The following KLHL9 variants were observed in gnomAD, a reference collection of about 807,000 sequenced individuals.
The protein encoded by KLHL9 is kelch-like protein 9.
In KLHL9, 27 loss-of-function variants were observed where a neutral mutation model predicts 42.3. That is an observed-to-expected ratio of 0.64 (90% CI 0.47 to 0.88). The LOEUF is 0.88. KLHL9 is among the 40% of genes least tolerant of loss of function. The probability of loss-of-function intolerance (pLI) is 0.00; values close to 1 mark genes in which losing one functional copy is unlikely to be tolerated. For synonymous variants in KLHL9, 274 were observed against 254.4 expected (o/e 1.08, Z -0.73); for missense variants, 629 against 750.3 (o/e 0.84, Z 1.89).
rs919803406 is a variant in KLHL9, at chr9:21,329,775, TATATA to T, written c.*3226_*3230del. ...CTGCACATATGTACGTATATATATA[TATATA>T]ATATACTATTAATAGAAATTATCTT... On this transcript the variant is annotated 3_prime_UTR_variant, in exon 1 of 1. Coordinates refer to ENST00000359039, the MANE Select transcript of KLHL9 (RefSeq NM_018847.4). The T allele has an allele frequency of 2.7e-5, 4 of 150,284 alleles. No homozygotes were observed. Among genetic ancestry groups the T allele is most frequent in the Admixed American group, 2.7e-4 (4 of 15,042 alleles). The allele number at this position is 150,284 out of a possible 1,614,324, so 9.3% of individuals were successfully genotyped here. A position where few individuals can be genotyped will look rare whatever the true frequency, so the allele number is the denominator to read the frequency against.
chr9:21,331,298 T>C lies in KLHL9; in HGVS notation c.*1708A>G, dbSNP rs760577853. ...AAAAAACTGAGTAATTAAAAAAACA[T>C]AGAAAGTATGAAAATTTCTGCCAAT... On this transcript the variant is annotated 3_prime_UTR_variant, in exon 1 of 1. Transcript: ENST00000359039. 9 of 152,640 alleles carry C rather than the reference T, an allele frequency of 5.9e-5. No individual in the cohort carries two copies. The East Asian group carries it at 7.7e-4, about 13-fold the overall frequency. The allele number at this position is 152,640 out of a possible 1,614,324, so 9.5% of individuals were successfully genotyped here.
rs765080867 is a variant in KLHL9, at chr9:21,333,549, A to G, written c.1311T>C (p.Tyr437=). 6.2e-7 allele frequency: 1 copy of G among 1,614,092 alleles called. No homozygotes were observed. Among genetic ancestry groups the G allele is most frequent in the African/African-American group, 1.3e-5 (1 of 74,934 alleles). The change falls in exon 1 of 1, where the codon TAT becomes TAC. Residue 437 remains tyrosine (Y), a synonymous_variant. Coordinates refer to ENST00000359039, the MANE Select transcript of KLHL9 (RefSeq NM_018847.4). This position sits in a 1 kb window ranked among gnomAD's most constrained non-coding sequence, Gnocchi z 7.5. The part of the protein sequence containing the change: ...SYVAKMSEPH[Y]GHAGTVYGGL... ...CTCCATATACTGTTCCAGCATGACC[A>G]TAGTGGGGTTCACTCATTTTTGCAA...
At position 21,334,189 on chromosome 9, in the gene KLHL9, C is replaced by A. The variant is rs777781687; in HGVS notation, c.671G>T (p.Arg224Met). 9 of 1,614,098 alleles carry A rather than the reference C, an allele frequency of 5.6e-6. No homozygotes were observed. In the South Asian group the frequency reaches 9.9e-5, roughly 18 times the overall value. ...ELFKAACRWL[R>M]LEDPRMDYAA... ...ATAATCCATCCGAGGGTCTTCCAAC[C>A]TTAGCCAGCGACAGGCTGCCTTAAA... is the stretch of plus-strand genomic sequence containing the variant. The change falls in exon 1 of 1, where the codon AGG becomes ATG. Residue 224 changes from arginine to methionine, a missense_variant. Coordinates refer to ENST00000359039, the MANE Select transcript of KLHL9 (RefSeq NM_018847.4). This position sits in a 1 kb window ranked among gnomAD's most constrained non-coding sequence, Gnocchi z 5.1.
Position 21,334,892 on chromosome 9 carries a change from C to T in KLHL9, c.-33G>A. The stretch of plus-strand genomic sequence containing the variant: ...CTTTCCTCTTGCACAGAGATGCAAG[C>T]CGGATAAAGAAGTTATAACCGGAAT... On this transcript the variant is annotated 5_prime_UTR_variant, in exon 1 of 1. Transcript: ENST00000359039. The surrounding 1 kb of genome is among the most constrained non-coding windows in gnomAD (Gnocchi z 5.1). 1.2e-6 allele frequency: 2 copies of T among 1,613,284 alleles called. No individual in the cohort carries two copies. The highest frequency in any genetic ancestry group is 8.5e-7 in the Non-Finnish European group (1 of 1,179,824).
At position 21,332,226 on chromosome 9, in the gene KLHL9, T is replaced by C. The variant is rs1170852921; in HGVS notation, c.*780A>G. ...TTTAGTATGCTGTAGCCCTTATCTA[T>C]CTAAATTCAGTATGACTACATAGAC... is the stretch of plus-strand genomic sequence containing the variant. On this transcript the variant is annotated 3_prime_UTR_variant, in exon 1 of 1. Transcript: ENST00000359039. 1 of 152,640 alleles carries C rather than the reference T, an allele frequency of 6.6e-6. No homozygotes were observed. The highest frequency in any genetic ancestry group is 1.5e-5 in the Non-Finnish European group (1 of 68,038). The allele number at this position is 152,640 out of a possible 1,614,324, so 9.5% of individuals were successfully genotyped here. A position where few individuals can be genotyped will look rare whatever the true frequency, so the allele number is the denominator to read the frequency against.
chr9:21,334,212 A>G lies in KLHL9; in HGVS notation c.648T>C (p.Phe216=), dbSNP rs775981697. The G allele has an allele frequency of 3.1e-6, 5 of 1,614,196 alleles. No homozygotes were observed. The highest frequency in any genetic ancestry group is 4.2e-6 in the Non-Finnish European group (5 of 1,180,020). The part of the protein sequence containing the change: ...SLKHCTELEL[F]KAACRWLRLE... Reference sequence around the variant, plus strand: ...ACCTTAGCCAGCGACAGGCTGCCTTAAAGAGTTCAAGTTCGGTACAGTGCT... The same window carrying G: ...ACCTTAGCCAGCGACAGGCTGCCTTGAAGAGTTCAAGTTCGGTACAGTGCT... Residue 216 remains phenylalanine, a synonymous_variant, in exon 1 of 1, where the codon TTT becomes TTC. Transcript: ENST00000359039. The surrounding 1 kb of genome is among the most constrained non-coding windows in gnomAD (Gnocchi z 5.1).
At position 21,334,820 on chromosome 9, in the gene KLHL9, C is replaced by T. The variant is rs918669061; in HGVS notation, c.40G>A (p.Ala14Thr). The T allele has an allele frequency of 1.2e-6, 2 of 1,613,932 alleles. No homozygotes were observed. Among genetic ancestry groups the T allele is most frequent in the Non-Finnish European group, 1.7e-6 (2 of 1,179,934 alleles). ...CCTGCCTTACAAGGCTGCAAATGGG[C>T]AGAGACGCCCATTTCGCCGTTACCA... ...SLGNGEMGVSAHLQPCKAGTT... is the reference protein window; with the variant it reads ...SLGNGEMGVSTHLQPCKAGTT... The change falls in exon 1 of 1, where the codon GCC (alanine) becomes ACC (threonine). Residue 14 changes from alanine (A) to threonine (T), a missense_variant. Physicochemically the swap from Ala to Thr is moderately conservative, Grantham distance 58. Transcript: ENST00000359039. The surrounding 1 kb of genome is among the most constrained non-coding windows in gnomAD (Gnocchi z 5.1).
At position 21,335,044 on chromosome 9, in the gene KLHL9, A is replaced by G; in HGVS notation, c.-185T>C. ...CCACTGAAAATCACCCTGTAGCAGG[A>G]CCACAAAGGGCTGTGGACCTCAAAT... On this transcript the variant is annotated 5_prime_UTR_variant, in exon 1 of 1. Coordinates refer to ENST00000359039, the MANE Select transcript of KLHL9 (RefSeq NM_018847.4). The G allele has an allele frequency of 4.1e-6, 3 of 724,066 alleles. No individual in the cohort carries two copies. Among genetic ancestry groups the G allele is most frequent in the South Asian group, 1.9e-5 (1 of 53,416 alleles). 44.9% of individuals were successfully genotyped at this position (724,066 alleles called of 1,614,324 possible). A position where few individuals can be genotyped will look rare whatever the true frequency, so the allele number is the denominator to read the frequency against.
chr9:21,333,322 A>T lies in KLHL9; in HGVS notation c.1538T>A (p.Leu513Gln), dbSNP rs750293915. ...FRGTSDYDDV[L>Q]SCEYYSPTLD... ...GGTTGGTGAATAGTATTCACAGCTT[A>T]GAACATCATCATAATCACTTGTTCC... Residue 513 changes from leucine to glutamine, a missense_variant, in exon 1 of 1, where the codon CTA (leucine) becomes CAA (glutamine). Coordinates refer to ENST00000359039, the MANE Select transcript of KLHL9 (RefSeq NM_018847.4). The surrounding 1 kb of genome is among the most constrained non-coding windows in gnomAD (Gnocchi z 7.5). 6.2e-7 allele frequency: 1 copy of T among 1,614,234 alleles called. No individual in the cohort carries two copies. The highest frequency in any genetic ancestry group is 1.3e-5 in the African/African-American group (1 of 75,060).
rs563969449 is a variant in KLHL9, at chr9:21,334,541, T to C, written c.319A>G (p.Ile107Val). The stretch of plus-strand genomic sequence containing the variant: ...AGTTTTGCAGTATAAATAAAATCAA[T>C]GATTTTCTTCAGACCAACCTTGTTC... ...GVNKVGLKKI[I>V]DFIYTAKLSL... is the part of the protein sequence containing the mutation. Residue 107 changes from isoleucine (I) to valine (V), a missense_variant, in exon 1 of 1, where the codon ATT (isoleucine) becomes GTT (valine). By Grantham distance (29) the Ile-to-Val change is conservative. Transcript: ENST00000359039. The surrounding 1 kb of genome is among the most constrained non-coding windows in gnomAD (Gnocchi z 5.1). The C allele has an allele frequency of 1.6e-5, 26 of 1,614,206 alleles. No individual in the cohort carries two copies. The highest frequency in any genetic ancestry group is 1.2e-4 in the South Asian group (11 of 91,080).
Position 21,334,009 on chromosome 9 carries a change from G to A in KLHL9, c.851C>T (p.Pro284Leu). 2 of 1,614,112 alleles carry A rather than the reference G, an allele frequency of 1.2e-6. No homozygotes were observed. Among genetic ancestry groups the A allele is most frequent in the Non-Finnish European group, 1.7e-6 (2 of 1,180,008 alleles). The change falls in exon 1 of 1, where the codon CCA becomes CTA. Residue 284 changes from proline to leucine, a missense_variant. Physicochemically the swap from Pro to Leu is moderately conservative, Grantham distance 98. Around this residue, in one of 4 missense-constraint regions of KLHL9, gnomAD observed 351 missense variants for 363.1 expected, o/e 0.97. Transcript: ENST00000359039. This position sits in a 1 kb window ranked among gnomAD's most constrained non-coding sequence, Gnocchi z 5.1. ...SNYQMMPYMQPVMQSDRTAIR... is the reference protein window; with the variant it reads ...SNYQMMPYMQLVMQSDRTAIR... The stretch of plus-strand genomic sequence containing the variant: ...GGCAGTTCTATCTGACTGCATCACT[G>A]GCTGCATATATGGCATCATTTGGTA...
chr9:21,332,384 A>G lies in KLHL9; in HGVS notation c.*622T>C, dbSNP rs1820187795. 6.6e-6 allele frequency: 1 copy of G among 152,668 alleles called. No individual in the cohort carries two copies. The highest frequency in any genetic ancestry group is 2.1e-4 in the South Asian group (1 of 4,832). The allele number at this position is 152,668 out of a possible 1,614,324, so 9.5% of individuals were successfully genotyped here. On this transcript the variant is annotated 3_prime_UTR_variant, in exon 1 of 1. Transcript: ENST00000359039. ...TTTCAAATTATGTGTGTGTATACAT[A>G]TGTATGTATGTGTGCATGCATGTAT...
At position 21,329,885 on chromosome 9, in the gene KLHL9, A is replaced by T. The variant is rs147287298; in HGVS notation, c.*3121T>A. 28 of 152,194 alleles carry T rather than the reference A, an allele frequency of 1.8e-4. No homozygotes were observed. In the East Asian group the frequency reaches 5.2e-3, roughly 28 times the overall value. 9.4% of individuals were successfully genotyped at this position (152,194 alleles called of 1,614,324 possible). On this transcript the variant is annotated 3_prime_UTR_variant, in exon 1 of 1. Transcript: ENST00000359039. ...TAATAGACATATCAAAAAAGCTAAC[A>T]AATGTTAATTTTTGAATACTTTCCG...
rs188385691 is a variant in KLHL9 at position 21,332,412 on chromosome 9, T to G, written c.*594A>C. On this transcript the variant is annotated 3_prime_UTR_variant, in exon 1 of 1. Coordinates refer to ENST00000359039, the MANE Select transcript of KLHL9 (RefSeq NM_018847.4). ...TATGTATGTGTGCATGCATGTATGT[T>G]TGTATTATGTGTATTTTTTCCTCCT... is the stretch of plus-strand genomic sequence containing the variant. 40 of 154,614 alleles carry G rather than the reference T, an allele frequency of 2.6e-4. No individual in the cohort carries two copies. The highest frequency in any genetic ancestry group is 9.4e-4 in the African/African-American group (39 of 41,582). The allele number at this position is 154,614 out of a possible 1,614,324, so 9.6% of individuals were successfully genotyped here.
In KLHL9 at chr9:21,333,831, A is replaced by T; in HGVS notation, c.1029T>A (p.Ala343=). 4 of 1,614,036 alleles carry T rather than the reference A, an allele frequency of 2.5e-6. No individual in the cohort carries two copies. The highest frequency in any genetic ancestry group is 3.4e-6 in the Non-Finnish European group (4 of 1,180,032). The change falls in exon 1 of 1, where the codon GCT becomes GCA. Residue 343 remains alanine, a synonymous_variant. Coordinates refer to ENST00000359039, the MANE Select transcript of KLHL9 (RefSeq NM_018847.4). This position sits in a 1 kb window ranked among gnomAD's most constrained non-coding sequence, Gnocchi z 7.5. ...MDAPRYQHGI[A]VIGNFLYVVG... is the part of the protein sequence containing the mutation. ...CTACATAAAGAAAGTTTCCAATGAC[A>T]GCAATACCATGCTGGTAACGGGGAG...
In KLHL9 at chr9:21,334,452, G is replaced by A. The variant is rs751307007; in HGVS notation, c.408C>T (p.Pro136=). The stretch of plus-strand genomic sequence containing the variant: ...GAAATACTTTACAGAAATCCAAAAC[G>A]GGTAATATTTGTAAAAAGCTAGCAG... The part of the protein sequence containing the change: ...LEAASFLQIL[P]VLDFCKVFLI... The change falls in exon 1 of 1, where the codon CCC becomes CCT. Residue 136 remains proline (P), a synonymous_variant. Coordinates refer to ENST00000359039, the MANE Select transcript of KLHL9 (RefSeq NM_018847.4). The surrounding 1 kb of genome is among the most constrained non-coding windows in gnomAD (Gnocchi z 5.1). 2.5e-6 allele frequency: 4 copies of A among 1,613,790 alleles called. No individual in the cohort carries two copies. In the South Asian group the frequency reaches 3.3e-5, roughly 13 times the overall value.
In KLHL9 at chr9:21,333,715, A is replaced by G. The variant is rs1357822121; in HGVS notation, c.1145T>C (p.Val382Ala). ...FDPRYNKWMQ[V>A]ASLNEKRTFF... is the part of the protein sequence containing the mutation. The stretch of plus-strand genomic sequence containing the variant: ...TGTGCGCTTTTCATTTAATGATGCA[A>G]CCTGCATCCATTTATTATACCGAGG... Residue 382 changes from valine to alanine, a missense_variant, in exon 1 of 1, where the codon GTT becomes GCT. Coordinates refer to ENST00000359039, the MANE Select transcript of KLHL9 (RefSeq NM_018847.4). The surrounding 1 kb of genome is among the most constrained non-coding windows in gnomAD (Gnocchi z 7.5). The G allele has an allele frequency of 6.2e-7, 1 of 1,614,150 alleles. No homozygotes were observed. Among genetic ancestry groups the G allele is most frequent in the Admixed American group, 1.7e-5 (1 of 60,026 alleles).
Position 21,335,009 on chromosome 9 carries a change from A to T in KLHL9, c.-150T>A. ...ACTGCGGCACCCCTCGGGCCACGCCAGTCAGTCATCCACTGAAAATCACCC... is the reference window on the plus strand; with the variant it reads ...ACTGCGGCACCCCTCGGGCCACGCCTGTCAGTCATCCACTGAAAATCACCC... On this transcript the variant is annotated 5_prime_UTR_variant, in exon 1 of 1. Transcript: ENST00000359039. The T allele has an allele frequency of 9.2e-7, 1 of 1,090,942 alleles. No individual in the cohort carries two copies. The highest frequency in any genetic ancestry group is 2.6e-5 in the East Asian group (1 of 38,780). The allele number at this position is 1,090,942 out of a possible 1,614,324, so 67.6% of individuals were successfully genotyped here. A position where few individuals can be genotyped will look rare whatever the true frequency, so the allele number is the denominator to read the frequency against.
rs1175611674 is a variant in KLHL9, at chr9:21,335,168, G to C, written c.-309C>G. On this transcript the variant is annotated 5_prime_UTR_variant, in exon 1 of 1. Transcript: ENST00000359039. The stretch of plus-strand genomic sequence containing the variant: ...CCGCTCCTTCAGCAGTTCCGCTTCG[G>C]GCAAGGAAGAGGCGCCGCCACGTAC... 8 of 514,100 alleles carry C rather than the reference G, an allele frequency of 1.6e-5. No individual in the cohort carries two copies. The highest frequency in any genetic ancestry group is 3.5e-6 in the Non-Finnish European group (1 of 285,576). The allele number at this position is 514,100 out of a possible 1,614,324, so 31.8% of individuals were successfully genotyped here. A position where few individuals can be genotyped will look rare whatever the true frequency, so the allele number is the denominator to read the frequency against.
Sources: allele counts gnomAD v4.1 joint callset, GRCh38; gene constraint gnomAD v4.1.1; regional missense constraint gnomAD v4.1.1; non-coding constraint Gnocchi (gnomAD v3.1); transcripts MANE v1.5; gene names NCBI Gene and HGNC (gene_info 2026-07-23, HGNC 2026-07-21).